The following LRGUK variants were observed in gnomAD, a reference collection of about 807,000 sequenced individuals.
The protein encoded by LRGUK is leucine-rich repeat and guanylate kinase domain-containing protein.
A neutral mutation model predicts 76.0 loss-of-function variants in LRGUK; 65 were observed. The observed-to-expected ratio is 0.85, with a 90% CI of 0.70 to 1.05. The LOEUF is 1.05. LRGUK is among the 50% of genes least tolerant of loss of function. LRGUK has a pLI of 0.00. For synonymous variants in LRGUK, 268 were observed against 265.6 expected (o/e 1.01, Z -0.09); for missense variants, 758 against 732.8 (o/e 1.03, Z -0.40).
chr7:134,222,395 T>G (rs1158629045), intron 16 of LRGUK, among the ~76,000 whole-genome samples: 5 of 152,210 alleles, frequency 3.3e-5, no homozygotes, highest in Non-Finnish European at 7.3e-5. Context: ...GAAAGCAGCA[T>G]GCACAGGAGT....
chr7:134,175,532 T>C (rs570343632), intron 8 of LRGUK, among the ~76,000 whole-genome samples: 38 of 152,298 alleles, frequency 2.5e-4, no homozygotes, highest in African/African-American at 8.7e-4. Flanking sequence ...AGGGTGTTTG[T>C]GCATATGCAT....
exon 10 of LRGUK, chr7:134,178,532 C>T (rs1248554768): frequency 6.2e-7 from 1 of 1,612,574 alleles, no homozygotes; most frequent in South Asian, 1.1e-5. Context: ...ATGATCCTCC[C>T]CCTGAAGTGG....
rs147828667 is a variant in LRGUK, at chr7:134,248,972, C to T, written c.2094C>T (p.Leu698=). 5.2e-6 allele frequency: 8 copies of T among 1,551,158 alleles called. No individual in the cohort carries two copies. The African/African-American group carries it at 8.2e-5, about 16-fold the overall frequency. ...CCAGGGGTCCAGTACCAGCACCTCT[C>T]ACCAGTGGTCTACACTATTATACAA... The change falls in exon 18 of 20, where the codon CTC becomes CTT. Residue 698 remains leucine (L), a synonymous_variant. Transcript: ENST00000285928.
chr7:134,257,331 G>A (rs1323597509), intron 18 of LRGUK, among the ~76,000 whole-genome samples: 1 of 152,198 alleles, frequency 6.6e-6, no homozygotes, highest in Non-Finnish European at 1.5e-5. Flanking sequence ...AGAAGTGCCT[G>A]TAAACAAGGT....
rs1198401966 is a variant in LRGUK, at chr7:134,127,624, G to A, written c.257G>A (p.Gly86Glu). 2.5e-6 allele frequency: 4 copies of A among 1,614,128 alleles called. No homozygotes were observed. Among genetic ancestry groups the A allele is most frequent in the African/African-American group, 1.3e-5 (1 of 75,050 alleles). The change falls in exon 1 of 16, where the codon GGA becomes GAA. Residue 86 changes from glycine to glutamate, a missense_variant. Gly to Glu is a moderately conservative substitution (Grantham distance 98, BLOSUM62 -2). Coordinates refer to ENST00000645682, the Ensembl canonical transcript of LRGUK. ...GAGGACCAGGGCGAGGGCGAGGCGG[G>A]ATCCGAGGAGTCCTCAGAGTCCGAA...
chr7:134,158,305 C>A (rs1356627095), intron 6 of LRGUK, 146 bp downstream of exon 6: 9 of 655,516 alleles, frequency 1.4e-5, no homozygotes, highest in Non-Finnish European at 2.2e-5. Flanking sequence ...TTGCTCCTTT[C>A]TTTACCATTT....
chr7:134,258,871 T>C (rs530935878), intron 19 of LRGUK, among the ~76,000 whole-genome samples: 21 of 152,278 alleles, frequency 1.4e-4, no homozygotes, highest in Middle Eastern at 3.4e-3. Context: ...TTGTTGCCCA[T>C]TGTTATAGGT....
intron 15 of LRGUK, among the ~76,000 whole-genome samples, chr7:134,207,920 G>A (rs181154930): frequency 6.6e-5 from 10 of 152,258 alleles, no homozygotes; most frequent in African/African-American, 1.7e-4. Context: ...GGATGATGGC[G>A]TCTGTGAGAC....
chr7:134,148,240 G>A lies in LRGUK; in HGVS notation c.591G>A (p.Lys197=), dbSNP rs746482693. The A allele has an allele frequency of 1.1e-5, 18 of 1,596,860 alleles. 1 individual carries two copies. In the South Asian group the frequency reaches 2.0e-4, roughly 18 times the overall value. The change falls in exon 5 of 16, where the codon AAG becomes AAA. Residue 197 remains lysine, a splice_region_variant and synonymous_variant. Coordinates refer to ENST00000645682, the Ensembl canonical transcript of LRGUK. The stretch of plus-strand genomic sequence containing the variant: ...TCTTGTTCTCTTTCTCTTGCCAGAA[G>A]GCGGATTTTTCCCACAACCAAATTT...
intron 16 of LRGUK, among the ~76,000 whole-genome samples, chr7:134,226,985 A>G (rs970220886): frequency 3.3e-5 from 5 of 152,044 alleles, no homozygotes; most frequent in African/African-American, 1.2e-4. Context: ...TGCTTCCACT[A>G]AAGGCAGACC....
At chr7:134,132,314 C>T (rs190405563) in intron 1 of LRGUK, among the ~76,000 whole-genome samples, 91 of 152,102 alleles carry the variant, frequency 6.0e-4, no homozygotes, top group African/African-American at 2.2e-3. Flanking sequence ...ATGATCATGC[C>T]ACTGCATTCC....
At chr7:134,267,712 A>G (rs1172340949), downstream of LRGUK, among the ~76,000 whole-genome samples, 1 of 152,150 alleles carries the variant, frequency 6.6e-6, no homozygotes, top group Non-Finnish European at 1.5e-5. Context: ...TTGTGAGTCC[A>G]TTAAACCTCT....
chr7:134,231,577 G>A (rs1005272061), intron 16 of LRGUK, among the ~76,000 whole-genome samples: 4 of 7,478 alleles, frequency 5.3e-4, no homozygotes, highest in East Asian at 2.4e-3. Context: ...CCTTCCTCCC[G>A]TTCTCCCTCC....
At chr7:134,130,646 C>G (rs927263037) in intron 1 of LRGUK, among the ~76,000 whole-genome samples, 1 of 152,134 alleles carries the variant, frequency 6.6e-6, no homozygotes, top group African/African-American at 2.4e-5. Flanking sequence ...CCATCTTAGC[C>G]TGTTATTCTC....
At chr7:134,127,992 T>G (rs1362945255) in intron 1 of LRGUK, among the ~76,000 whole-genome samples, 3 of 152,136 alleles carry the variant, frequency 2.0e-5, no homozygotes, top group Non-Finnish European at 4.4e-5. Flanking sequence ...AAAATTATAC[T>G]TTGACAGTAT....
At chr7:134,218,435 G>A (rs1801493411) in intron 15 of LRGUK, among the ~76,000 whole-genome samples, 1 of 151,926 alleles carries the variant, frequency 6.6e-6, no homozygotes, top group Non-Finnish European at 1.5e-5. Context: ...AAAGTAATCA[G>A]TCATATTTTT....
chr7:134,133,624 T>C (rs1444438299), intron 1 of LRGUK, among the ~76,000 whole-genome samples: 1 of 152,198 alleles, frequency 6.6e-6, no homozygotes, highest in Non-Finnish European at 1.5e-5. Flanking sequence ...TAGAGATTTT[T>C]TTCCCCCTGA....
At chr7:134,225,754 T>C (rs1801726143) in intron 16 of LRGUK, among the ~76,000 whole-genome samples, 1 of 152,204 alleles carries the variant, frequency 6.6e-6, no homozygotes, top group South Asian at 2.1e-4. Context: ...ATTTATCACA[T>C]TTTAGGAGAT....
At chr7:134,142,278 C>G (rs1375531156) in intron 3 of LRGUK, among the ~76,000 whole-genome samples, 1 of 152,190 alleles carries the variant, frequency 6.6e-6, no homozygotes, top group Non-Finnish European at 1.5e-5. Context: ...GGGCCATAAC[C>G]CTTACTGTGT....
Sources: allele counts gnomAD v4.1 joint callset (sites outside exome capture counted in the v4.1 genomes callset), GRCh38; gene constraint gnomAD v4.1.1; transcripts MANE v1.5; gene names NCBI Gene and HGNC (gene_info 2026-07-23, HGNC 2026-07-21).